Variants in BRINP1 observed in about 807,000 individuals in gnomAD.
BRINP1 encodes the protein BMP/retinoic acid inducible neural specific 1.
BRINP1 carries 17 observed loss-of-function variants against 72.9 expected under a neutral mutation model. The ratio of observed to expected loss-of-function variants is 0.23; its 90% CI spans 0.16 to 0.35. The LOEUF is 0.35. Among genes scored for constraint, BRINP1 ranks in the 10% least tolerant of loss-of-function variants. BRINP1 has a pLI of 1.00. For missense variants in BRINP1, 850 were observed against 1,001.6 expected, an observed-to-expected ratio of 0.85 and a Z score of 2.04; for synonymous variants, 418 against 378.5, an observed-to-expected ratio of 1.10 and a Z score of -1.21.
At chr9:119,304,845 CCA>C (rs569697287) in intron 2 of BRINP1, among the ~76,000 whole-genome samples, 26 of 152,342 alleles carry the variant, frequency 1.7e-4, no homozygotes, top group Admixed American at 1.6e-3. Flanking sequence ...TAAATTACTG[CCA>C]CAGTTTTCTA....
intron 7 of BRINP1, among the ~76,000 whole-genome samples, chr9:119,184,837 A>G (rs184326415): frequency 8.5e-5 from 13 of 152,230 alleles, no homozygotes; most frequent in African/African-American, 3.1e-4. Context: ...ACACTTCCCA[A>G]AATTTATACT....
At position 119,226,044 on chromosome 9, in the gene BRINP1, G is replaced by C. The variant is rs139327611; in HGVS notation, c.686-11889C>G. Among the ~76,000 whole-genome samples the C allele has an allele frequency of 4.5e-3, 691 of 152,062 alleles. 3 individuals are homozygous for C. Among genetic ancestry groups the C allele is most frequent in the African/African-American group, 0.016 (658 of 41,478 alleles). ...AAAAAGCATATGGTTTCTCCTCTCAGCGATCTCAGTTACAATTTAGTGGCA... is the reference window on the plus strand; with the variant it reads ...AAAAAGCATATGGTTTCTCCTCTCACCGATCTCAGTTACAATTTAGTGGCA... On this transcript the variant is annotated intron_variant, in intron 5 of 7. Transcript: ENST00000265922.
At chr9:119,272,712 A>G (rs1830620039) in intron 2 of BRINP1, among the ~76,000 whole-genome samples, 1 of 152,168 alleles carries the variant, frequency 6.6e-6, no homozygotes, top group African/African-American at 2.4e-5. Context: ...AGCAGAAACC[A>G]TGAAAGACTC....
In BRINP1 at chr9:119,369,369, TCTC is replaced by T. The variant is rs1831731401; in HGVS notation, c.-367_-365del. The stretch of plus-strand genomic sequence containing the variant: ...CTCTCGCGGGTTCGCTCGCCTGCGC[TCTC>T]CTCCTCCCCGCGCGCCAGATCAGTT... On this transcript the variant is annotated 5_prime_UTR_variant, in exon 1 of 8. Coordinates refer to ENST00000265922, the MANE Select transcript of BRINP1 (RefSeq NM_014618.3). 2.5e-6 allele frequency: 1 copy of T among 397,418 alleles called. No individual in the cohort carries two copies. Among genetic ancestry groups the T allele is most frequent in the Non-Finnish European group, 4.4e-6 (1 of 225,534 alleles). The allele number at this position is 397,418 out of a possible 1,614,324, so 24.6% of individuals were successfully genotyped here. A position where few individuals can be genotyped will look rare whatever the true frequency, so the allele number is the denominator to read the frequency against.
intron 1 of BRINP1, among the ~76,000 whole-genome samples, chr9:119,321,175 C>A (rs1298193196): frequency 1.3e-5 from 2 of 152,204 alleles, no homozygotes; most frequent in Admixed American, 6.5e-5. Flanking sequence ...TCGTGATCCA[C>A]CCGCCTCGGC....
chr9:119,193,296 T>C (rs76492325), intron 7 of BRINP1, among the ~76,000 whole-genome samples: 2,062 of 152,234 alleles, frequency 0.014, 45 homozygotes, highest in African/African-American at 0.047. Context: ...CAAAACATTA[T>C]TGTAAGTGAA....
chr9:119,175,635 G>C (rs367998043), intron 7 of BRINP1, among the ~76,000 whole-genome samples: 20 of 152,156 alleles, frequency 1.3e-4, no homozygotes, highest in African/African-American at 4.8e-4. Flanking sequence ...CACTATAAAT[G>C]ATACCAAAGT....
In BRINP1 at chr9:119,240,137, C is replaced by G. The variant is rs983694381; in HGVS notation, c.580-1377G>C. On this transcript the variant is annotated intron_variant, in intron 4 of 7. Coordinates refer to ENST00000265922, the MANE Select transcript of BRINP1 (RefSeq NM_014618.3). Reference sequence around the variant, plus strand: ...TACAAAAATTAGCTGGGCATGGTGGCGCGCACCTGTAGTCCCAGCTACTTG... The same window carrying G: ...TACAAAAATTAGCTGGGCATGGTGGGGCGCACCTGTAGTCCCAGCTACTTG... Among the ~76,000 whole-genome samples the G allele has an allele frequency of 2.6e-5, 4 of 152,008 alleles. 1 individual carries two copies. The highest frequency in any genetic ancestry group is 2.9e-5 in the Non-Finnish European group (2 of 68,008).
chr9:119,271,857 A>G (rs995990492), intron 2 of BRINP1, among the ~76,000 whole-genome samples: 3 of 151,642 alleles, frequency 2.0e-5, no homozygotes, highest in African/African-American at 7.3e-5. Flanking sequence ...TACTGAAACT[A>G]CCATTTTTTT....
chr9:119,312,597 C>G (rs2118994329), intron 2 of BRINP1, among the ~76,000 whole-genome samples: 1 of 152,236 alleles, frequency 6.6e-6, no homozygotes, highest in African/African-American at 2.4e-5. Context: ...CAGTACAGAC[C>G]TGCTTAACAA....
intron 6 of BRINP1, among the ~76,000 whole-genome samples, chr9:119,211,164 C>CTTTA (rs71506209): frequency 0.084 from 12,342 of 147,132 alleles, 584 homozygotes; most frequent in African/African-American, 0.12. Context: ...AATACATTAA[C>CTTTA]TTTATTTATT....
At position 119,193,319 on chromosome 9, in the gene BRINP1, C is replaced by T. The variant is rs551907149; in HGVS notation, c.1145+15400G>A. Among the ~76,000 whole-genome samples, 18 of 151,366 alleles carry T rather than the reference C, an allele frequency of 1.2e-4. 1 individual carries two copies. The highest frequency in any genetic ancestry group is 2.9e-4 in the African/African-American group (12 of 41,170). ...TATTGTAAGTGAAATAATCCAGACA[C>T]GGAAATACAAATATTGCATGATTTC... On this transcript the variant is annotated intron_variant, in intron 7 of 7. Coordinates refer to ENST00000265922, the MANE Select transcript of BRINP1 (RefSeq NM_014618.3).
intron 7 of BRINP1, among the ~76,000 whole-genome samples, chr9:119,173,585 CA>C (rs1829444796): frequency 6.6e-6 from 1 of 151,910 alleles, no homozygotes; most frequent in Non-Finnish European, 1.5e-5. Context: ...TTTACAGATT[CA>C]ATGCCATCCC....
chr9:119,362,173 G>A (rs1273120245), intron 1 of BRINP1, among the ~76,000 whole-genome samples: 1 of 151,946 alleles, frequency 6.6e-6, no homozygotes, highest in Non-Finnish European at 1.5e-5. Context: ...CCACAGCTGG[G>A]CCCTTCTCAA....
intron 2 of BRINP1, among the ~76,000 whole-genome samples, chr9:119,278,460 T>C (rs779850466): frequency 6.6e-6 from 1 of 152,222 alleles, no homozygotes; most frequent in Admixed American, 6.5e-5. Context: ...TCATGTTCCA[T>C]AGATTCTATT....
In BRINP1 at chr9:119,218,329, C is replaced by T. The variant is rs371812783; in HGVS notation, c.686-4174G>A. On this transcript the variant is annotated intron_variant, in intron 5 of 7. Transcript: ENST00000265922. ...AAGCGATTCTCCTACCTCAGCCTCC[C>T]GAGTAGGGTTTCAACATGTTGGTCA... is the stretch of plus-strand genomic sequence containing the variant. 3.4e-4 allele frequency among the ~76,000 whole-genome samples: 51 copies of T among 151,812 alleles called. 2 individuals are homozygous for T. The highest frequency in any genetic ancestry group is 1.1e-3 in the African/African-American group (46 of 41,410).
intron 1 of BRINP1, among the ~76,000 whole-genome samples, chr9:119,339,202 G>C (rs181482289): frequency 1.3e-5 from 2 of 152,188 alleles, no homozygotes; most frequent in Non-Finnish European, 2.9e-5. Flanking sequence ...CTCTATCACT[G>C]TAGCCAGAAA....
At chr9:119,192,333 T>G (rs1489672151) in intron 7 of BRINP1, among the ~76,000 whole-genome samples, 1 of 151,940 alleles carries the variant, frequency 6.6e-6, no homozygotes, top group Non-Finnish European at 1.5e-5. Flanking sequence ...TGAGAAAAAG[T>G]ATTTGCAAAC....
rs1831087792 is a variant in BRINP1, at chr9:119,313,276, G to C, written c.80C>G (p.Pro27Arg). The C allele has an allele frequency of 1.2e-6, 2 of 1,614,148 alleles. No homozygotes were observed. The highest frequency in any genetic ancestry group is 1.7e-6 in the Non-Finnish European group (2 of 1,180,022). Residue 27 changes from proline (P) to arginine (R), a missense_variant, in exon 2 of 8, where the codon CCA becomes CGA. Coordinates refer to ENST00000265922, the MANE Select transcript of BRINP1 (RefSeq NM_014618.3). ...RISVQPSHQE[P>R]AGTDQHVSKE... The stretch of plus-strand genomic sequence containing the variant: ...GGAGACATGTTGGTCTGTCCCAGCT[G>C]GTTCCTGGTGGGAGGGCTGCACTGA...
Sources: gnomAD v4.1 joint callset for allele counts (sites outside exome capture counted in the v4.1 genomes callset) on GRCh38, gnomAD v4.1.1 for gene constraint, MANE v1.5 for transcripts, NCBI Gene and HGNC (gene_info 2026-07-23, HGNC 2026-07-21) for gene names.